DGKH: variants seen among roughly 807,000 people sequenced by gnomAD.
DGKH encodes the protein diacylglycerol kinase eta.
In DGKH, 90 loss-of-function variants were observed where a neutral mutation model predicts 159.3. The ratio of observed to expected loss-of-function variants is 0.57; its 90% CI spans 0.48 to 0.67. DGKH has a LOEUF of 0.67. Ranked by LOEUF, DGKH falls within the 30% of genes least tolerant of loss-of-function variation. The probability of loss-of-function intolerance (pLI) is 0.00; values close to 1 mark genes in which losing one functional copy is unlikely to be tolerated. For synonymous variants in DGKH, 536 were observed against 553.8 expected, an observed-to-expected ratio of 0.97 and a Z score of 0.45; for missense variants, 1,181 against 1,506.1, an observed-to-expected ratio of 0.78 and a Z score of 3.57.
At chr13:42,118,512 T>C (rs1159899206) in intron 1 of DGKH, among the ~76,000 whole-genome samples, 1 of 152,164 alleles carries the variant, frequency 6.6e-6, no homozygotes, top group East Asian at 1.9e-4. Context: ...ACCATAAATA[T>C]GTGGATGGAC....
In DGKH at chr13:42,230,661, G is replaced by GATATATACATATACACATATATGTGT. The variant is rs1958266782; in HGVS notation, c.*1485_*1510dup. On this transcript the variant is annotated 3_prime_UTR_variant, in exon 30 of 30. Coordinates refer to ENST00000337343, the MANE Select transcript of DGKH (RefSeq NM_178009.5). Reference sequence around the variant, plus strand: ...TGCTTAATAGATATATATACACACAGATATATACATATACACATATATGTG... The same window carrying GATATATACATATACACATATATGTGT: ...TGCTTAATAGATATATATACACACAGATATATACATATACACATATATGTGTATATATACATATACACATATATGTG... The GATATATACATATACACATATATGTGT allele has an allele frequency of 2.0e-5, 3 of 151,472 alleles. No individual in the cohort carries two copies. The highest frequency in any genetic ancestry group is 4.4e-5 in the Non-Finnish European group (3 of 67,892). The allele number at this position is 151,472 out of a possible 1,614,324, so 9.4% of individuals were successfully genotyped here. A position where few individuals can be genotyped will look rare whatever the true frequency, so the allele number is the denominator to read the frequency against.
rs1346584770 is a variant in DGKH, at chr13:42,235,065, A to G, written c.*5877A>G. The G allele has an allele frequency of 6.6e-6, 1 of 152,242 alleles. No homozygotes were observed. The highest frequency in any genetic ancestry group is 2.4e-5 in the African/African-American group (1 of 41,466). The allele number at this position is 152,242 out of a possible 1,614,324, so 9.4% of individuals were successfully genotyped here. ...ATCATTGTAGAGAACAGAGAGATCAAAGACAGCTGGACTGTACCTGTTTGT... is the reference window on the plus strand; with the variant it reads ...ATCATTGTAGAGAACAGAGAGATCAGAGACAGCTGGACTGTACCTGTTTGT... On this transcript the variant is annotated 3_prime_UTR_variant, in exon 30 of 30. Coordinates refer to ENST00000337343, the MANE Select transcript of DGKH (RefSeq NM_178009.5).
intron 7 of DGKH, among the ~76,000 whole-genome samples, chr13:42,162,265 C>T (rs774203270): frequency 6.6e-6 from 1 of 152,130 alleles, no homozygotes; most frequent in Non-Finnish European, 1.5e-5. Flanking sequence ...AATCCCAGCA[C>T]CTTGGGAGGC....
chr13:42,245,061 G>GT (rs1054330637), downstream of DGKH, among the ~76,000 whole-genome samples: 2 of 152,100 alleles, frequency 1.3e-5, no homozygotes, highest in African/African-American at 4.8e-5. Context: ...GGGATTGGGG[G>GT]TAGAGGTGGG....
At chr13:42,052,299 G>A in intron 1 of DGKH, among the ~76,000 whole-genome samples, 1 of 151,978 alleles carries the variant, frequency 6.6e-6, no homozygotes, top group East Asian at 1.9e-4. Flanking sequence ...TTTATTCCTG[G>A]TTTCTTTGTA....
chr13:42,053,752 G>A (rs61959193), intron 1 of DGKH, among the ~76,000 whole-genome samples: 24,850 of 151,674 alleles, frequency 0.16, 2,147 homozygotes, highest in East Asian at 0.32. Context: ...CTGAGTTGCT[G>A]GGACTACAGG....
chr13:42,115,805 G>A (rs1215788880), intron 1 of DGKH, among the ~76,000 whole-genome samples: 1 of 152,130 alleles, frequency 6.6e-6, no homozygotes. Context: ...CCAGAGTTTG[G>A]CAGTTTTTCA....
intron 7 of DGKH, among the ~76,000 whole-genome samples, chr13:42,160,692 G>T (rs555309814): frequency 2.6e-5 from 4 of 152,214 alleles, no homozygotes; most frequent in Non-Finnish European, 5.9e-5. Flanking sequence ...TGAGGAGGTC[G>T]TGGGTGTGAG....
At chr13:42,068,124 T>C (rs888978627) in intron 1 of DGKH, among the ~76,000 whole-genome samples, 3 of 152,154 alleles carry the variant, frequency 2.0e-5, no homozygotes, top group African/African-American at 7.2e-5. Context: ...AATGAGTATG[T>C]GGACCGCCTT....
At position 42,238,052 on chromosome 13, in the gene DGKH, G is replaced by A. The variant is rs1387515858; in HGVS notation, c.*8864G>A. ...TAACTGACTTTGGCATTGGCTCATTGTGTCCTTTCTACAAGTTATGTTTTG... is the reference window on the plus strand; with the variant it reads ...TAACTGACTTTGGCATTGGCTCATTATGTCCTTTCTACAAGTTATGTTTTG... On this transcript the variant is annotated 3_prime_UTR_variant, in exon 30 of 30. Coordinates refer to ENST00000337343, the MANE Select transcript of DGKH (RefSeq NM_178009.5). 6.6e-6 allele frequency: 1 copy of A among 152,180 alleles called. No individual in the cohort carries two copies. Among genetic ancestry groups the A allele is most frequent in the Non-Finnish European group, 1.5e-5 (1 of 68,030 alleles). 9.4% of individuals were successfully genotyped at this position (152,180 alleles called of 1,614,324 possible). A position where few individuals can be genotyped will look rare whatever the true frequency, so the allele number is the denominator to read the frequency against.
At chr13:42,040,304 G>C (rs1880396189) in intron 1 of DGKH, among the ~76,000 whole-genome samples, 2 of 152,186 alleles carry the variant, frequency 1.3e-5, no homozygotes, top group African/African-American at 4.8e-5. Flanking sequence ...CCCGTCGCCA[G>C]CGCGGTGGCC....
At chr13:42,173,974 T>TGC (rs1464939745) in intron 11 of DGKH, 86 bp from the exon 12 acceptor site, 13 of 810,354 alleles carry the variant, frequency 1.6e-5, no homozygotes, top group Non-Finnish European at 2.3e-5. Flanking sequence ...CGTGTGTGTG[T>TGC]GTGTGTGTGC....
At chr13:42,225,162 A>T (rs1958090990) in intron 29 of DGKH, 1 of 826,362 alleles carries the variant, frequency 1.2e-6, no homozygotes, top group East Asian at 2.9e-5. Context: ...GCCTCAAGAG[A>T]TCGGCCTGCC....
intron 1 of DGKH, among the ~76,000 whole-genome samples, chr13:42,052,918 G>C (rs1593953313): frequency 6.6e-6 from 1 of 152,190 alleles, no homozygotes; most frequent in East Asian, 1.9e-4. Context: ...GGTTTATTGT[G>C]TTCTCATTTA....
intron 3 of DGKH, among the ~76,000 whole-genome samples, chr13:42,134,896 G>C (rs1195513048): frequency 1.3e-5 from 2 of 152,132 alleles, no homozygotes; most frequent in African/African-American, 2.4e-5. Flanking sequence ...AGAATTGCTT[G>C]AACCCGGGAA....
chr13:42,110,378 T>C (rs1431249469), intron 1 of DGKH, among the ~76,000 whole-genome samples: 1 of 152,170 alleles, frequency 6.6e-6, no homozygotes, highest in African/African-American at 2.4e-5. Context: ...ACTTTGCACA[T>C]TAGTTATTAG....
upstream of DGKH, chr13:42,044,141 A>AGCCACTGCACCTG (rs1478666369): frequency 1.3e-5 from 2 of 152,286 alleles, no homozygotes; most frequent in Non-Finnish European, 2.9e-5. Flanking sequence ...TACTGGCATG[A>AGCCACTGCACCTG]GCCACTGCAC....
At chr13:42,220,822 GTC>G (rs1186258007) in intron 28 of DGKH, among the ~76,000 whole-genome samples, 1 of 152,142 alleles carries the variant, frequency 6.6e-6, no homozygotes, top group Non-Finnish European at 1.5e-5. Context: ...AAGCAGAAAA[GTC>G]TGTGTAAAAT....
chr13:42,253,805 A>C (rs1958637114), intron 30 of DGKH, among the ~76,000 whole-genome samples: 1 of 152,250 alleles, frequency 6.6e-6, no homozygotes, highest in Non-Finnish European at 1.5e-5. Flanking sequence ...AAGGTGGTAC[A>C]AATCTGCACC....
Sources: gnomAD v4.1 joint callset for allele counts (sites outside exome capture counted in the v4.1 genomes callset) on GRCh38, gnomAD v4.1.1 for gene constraint, MANE v1.5 for transcripts, NCBI Gene and HGNC (gene_info 2026-07-23, HGNC 2026-07-21) for gene names.